The following EHMT1 variants were observed in gnomAD, a reference collection of about 807,000 sequenced individuals.
The protein encoded by EHMT1 is histone-lysine N-methyltransferase EHMT1.
In EHMT1, 15 loss-of-function variants were observed where a neutral mutation model predicts 147.2. The ratio of observed to expected loss-of-function variants is 0.10; its 90% CI spans 0.07 to 0.16. The LOEUF is 0.16. Among genes scored for constraint, EHMT1 ranks in the 10% least tolerant of loss-of-function variants. EHMT1 has a pLI of 1.00. For synonymous variants in EHMT1, 795 were observed against 709.6 expected, an observed-to-expected ratio of 1.12 and a Z score of -1.91; for missense variants, 1,587 against 1,772.4, an observed-to-expected ratio of 0.90 and a Z score of 1.88.
At chr9:137,656,692 C>T (rs1415141197) in intron 1 of EHMT1, among the ~76,000 whole-genome samples, 1 of 151,934 alleles carries the variant, frequency 6.6e-6, no homozygotes, top group Non-Finnish European at 1.5e-5. Flanking sequence ...CTGGGCCTCT[C>T]CCTGCTTCTC....
chr9:137,802,510 C>T (rs1953580170), intron 18 of EHMT1: 2 of 398,542 alleles, frequency 5.0e-6, no homozygotes, highest in Admixed American at 4.4e-5. Context: ...TTTCTAAAAG[C>T]ACACTATTAA....
In EHMT1 at chr9:137,641,184, A is replaced by G. The variant is rs1844459227; in HGVS notation, c.21+22135A>G. ...GCACCTGCGTCAGAATGGCCAGTAA[A>G]CCAGGTGAAGAACCTGTCTGGTTCC... On this transcript the variant is annotated intron_variant, in intron 1 of 26. Transcript: ENST00000460843. 3 of 417,214 alleles carry G rather than the reference A, an allele frequency of 7.2e-6. No homozygotes were observed. In the Admixed American group the frequency reaches 8.8e-5, roughly 12 times the overall value. The allele number at this position is 417,214 out of a possible 1,614,324, so 25.8% of individuals were successfully genotyped here. A position where few individuals can be genotyped will look rare whatever the true frequency, so the allele number is the denominator to read the frequency against.
chr9:137,705,071 T>C (rs186306903), intron 1 of EHMT1, among the ~76,000 whole-genome samples: 71 of 149,782 alleles, frequency 4.7e-4, no homozygotes, highest in Middle Eastern at 3.4e-3. Context: ...CAAGGAAACC[T>C]TGAACCAGCC....
chr9:137,793,401 C>A (rs1051564713), intron 16 of EHMT1, among the ~76,000 whole-genome samples: 1 of 152,238 alleles, frequency 6.6e-6, no homozygotes, highest in Non-Finnish European at 1.5e-5. Context: ...AGACGCACCT[C>A]AGAGGATGTG....
intron 7 of EHMT1, among the ~76,000 whole-genome samples, 198 bp downstream of exon 7, chr9:137,752,606 C>T (rs1423576569): frequency 3.3e-5 from 5 of 152,322 alleles, no homozygotes; most frequent in African/African-American, 7.2e-5. Context: ...AGAGTTGCAG[C>T]GCAGGGCTGG....
chr9:137,816,227 T>A, intron 23 of EHMT1, 165 bp downstream of exon 23: 1 of 692,616 alleles, frequency 1.4e-6, no homozygotes, highest in Admixed American at 2.1e-5. Flanking sequence ...TCTAGAAATG[T>A]CACTTGTGCC....
chr9:137,632,122 G>A lies in EHMT1; in HGVS notation c.21+13073G>A, dbSNP rs577837851. 3.3e-5 allele frequency among the ~76,000 whole-genome samples: 5 copies of A among 152,344 alleles called. No individual in the cohort carries two copies. The South Asian group carries it at 6.2e-4, about 19-fold the overall frequency. Reference sequence around the variant, plus strand: ...GTGCACTCTTTGACGTTTGCACAGTGATGAAATCACCTGATGACGCATATC... The same window carrying A: ...GTGCACTCTTTGACGTTTGCACAGTAATGAAATCACCTGATGACGCATATC... On this transcript the variant is annotated intron_variant, in intron 1 of 26. Transcript: ENST00000460843.
In EHMT1 at chr9:137,775,550, G is replaced by C. The variant is rs1021312829; in HGVS notation, c.1791+298G>C. ...GGCCAGAGGAGGGAAGTGAGGGTTG[G>C]GGGTGAAGGTGTCTAAGGCACTGGG... On this transcript the variant is annotated intron_variant, in intron 11 of 26. Transcript: ENST00000460843. This position sits in a 1 kb window ranked among gnomAD's most constrained non-coding sequence, Gnocchi z 6.1. 6.6e-6 allele frequency among the ~76,000 whole-genome samples: 1 copy of C among 151,918 alleles called. No homozygotes were observed. Among genetic ancestry groups the C allele is most frequent in the Non-Finnish European group, 1.5e-5 (1 of 67,934 alleles).
Position 137,716,825 on chromosome 9 carries a change from G to T in EHMT1, c.285G>T (p.Gly95=). Residue 95 remains glycine (G), a synonymous_variant, in exon 3 of 27, where the codon GGG becomes GGT. Transcript: ENST00000460843. ...CACTAACTCGGATAGCGGAAAATGG[G>T]GTTTCAGAAAGAGACTCAGAAGCGG... ...TNTLTRIAEN[G]VSERDSEAAK... is the part of the protein sequence containing the mutation. 6.2e-7 allele frequency: 1 copy of T among 1,613,338 alleles called. No individual in the cohort carries two copies.
intron 1 of EHMT1, chr9:137,651,123 C>T (rs1380100931): frequency 6.6e-6 from 1 of 152,100 alleles, no homozygotes; most frequent in Admixed American, 6.6e-5. Context: ...TGGAACCCTC[C>T]CAAAGTGCCG....
rs4979643 is a variant in EHMT1, at chr9:137,744,155, A to T, written c.1170+65A>T. On this transcript the variant is annotated intron_variant, in intron 6 of 26. Coordinates refer to ENST00000460843, the MANE Select transcript of EHMT1 (RefSeq NM_024757.5). ...CATCACAAAGTTGGCCGTGGTTCTG[A>T]AAATTAACAGTCTGGTCACTTCTAG... 0.29 allele frequency: 451,280 copies of T among 1,580,682 alleles called. 67,491 individuals are homozygous for T. The highest frequency in any genetic ancestry group is 0.45 in the Admixed American group (26,546 of 58,644).
At chr9:137,728,216 C>A in intron 3 of EHMT1, 133 bp from the exon 4 acceptor site, 1 of 1,316,884 alleles carries the variant, frequency 7.6e-7, no homozygotes, top group Non-Finnish European at 1.1e-6. Flanking sequence ...TGCAGACTTT[C>A]TCCTCTCTCC....
chr9:137,719,113 G>A (rs1039187318), intron 3 of EHMT1, among the ~76,000 whole-genome samples: 2 of 152,058 alleles, frequency 1.3e-5, no homozygotes, highest in African/African-American at 2.4e-5. Context: ...TTCAAAAGAC[G>A]GTGATTATAA....
intron 9 of EHMT1, among the ~76,000 whole-genome samples, chr9:137,761,875 C>T (rs935532650): frequency 1.3e-5 from 2 of 152,248 alleles, no homozygotes; most frequent in African/African-American, 4.8e-5. Context: ...ATCTGGCTTC[C>T]TTTGGGAGCG....
intron 1 of EHMT1, among the ~76,000 whole-genome samples, chr9:137,626,476 T>TC (rs1473575045): frequency 6.9e-6 from 1 of 144,098 alleles, no homozygotes; most frequent in Non-Finnish European, 1.5e-5. Context: ...TGAGCCATGA[T>TC]CACACCACTG....
chr9:137,831,793 T>G (rs1175607778), intron 25 of EHMT1, among the ~76,000 whole-genome samples: 1 of 152,250 alleles, frequency 6.6e-6, no homozygotes, highest in African/African-American at 2.4e-5. Context: ...TGTTAACATG[T>G]GGGGAGGACT....
intron 1 of EHMT1, among the ~76,000 whole-genome samples, chr9:137,623,996 C>A (rs1357042604): frequency 7.0e-6 from 1 of 142,470 alleles, no homozygotes; most frequent in Non-Finnish European, 1.5e-5. Context: ...ATTTTTCTTT[C>A]TTTCTTTTTT....
At chr9:137,791,114 C>T in intron 16 of EHMT1, 144 bp downstream of exon 16, 2 of 1,378,066 alleles carry the variant, frequency 1.5e-6, no homozygotes, top group Non-Finnish European at 2.0e-6. Flanking sequence ...TCCTTCATCT[C>T]ACTTTGGTTA....
chr9:137,793,907 G>A (rs1219181639), intron 16 of EHMT1, among the ~76,000 whole-genome samples: 1 of 152,190 alleles, frequency 6.6e-6, no homozygotes, highest in Non-Finnish European at 1.5e-5. Flanking sequence ...CCTCATGATT[G>A]TAGAGCTTTG....
Sources: gnomAD v4.1 joint callset for allele counts (sites outside exome capture counted in the v4.1 genomes callset) on GRCh38, gnomAD v4.1.1 for gene constraint, Gnocchi (gnomAD v3.1) non-coding constraint, MANE v1.5 for transcripts, NCBI Gene and HGNC (gene_info 2026-07-23, HGNC 2026-07-21) for gene names.